The following TDRD3 variants were observed in gnomAD, a reference collection of about 807,000 sequenced individuals.
TDRD3 encodes tudor domain containing 3, also known as tudor domain-containing protein 3.
TDRD3 carries 45 observed loss-of-function variants against 86.7 expected under a neutral mutation model. The ratio of observed to expected loss-of-function variants is 0.52; its 90% CI spans 0.41 to 0.67. The LOEUF (loss-of-function observed/expected upper bound fraction) is 0.67. Ranked by LOEUF, TDRD3 falls within the 30% of genes least tolerant of loss-of-function variation. TDRD3 has a pLI of 0.00. For synonymous variants in TDRD3, 298 were observed against 301.7 expected (o/e 0.99, Z 0.13); for missense variants, 814 against 889.0 (o/e 0.92, Z 1.07).
At chr13:60,484,629 A>G in intron 6 of TDRD3, 1 of 434,506 alleles carries the variant, frequency 2.3e-6, no homozygotes, top group Non-Finnish European at 4.5e-6. Context: ...TAAATAAGTC[A>G]TTTTTGCATC....
intron 1 of TDRD3, among the ~76,000 whole-genome samples, chr13:60,417,444 T>A (rs1954552459): frequency 6.6e-6 from 1 of 151,022 alleles, no homozygotes; most frequent in Non-Finnish European, 1.5e-5. Flanking sequence ...TGGATTCAAG[T>A]GATTCTCTTG....
At chr13:60,425,362 A>G (rs542810381) in intron 1 of TDRD3, among the ~76,000 whole-genome samples, 1 of 152,302 alleles carries the variant, frequency 6.6e-6, no homozygotes, top group African/African-American at 2.4e-5. Flanking sequence ...ATACAAGATA[A>G]CAAATGTTGG....
At position 60,573,707 on chromosome 13, in the gene TDRD3, G is replaced by T. The variant is rs1958639938; in HGVS notation, c.*101G>T. On this transcript the variant is annotated 3_prime_UTR_variant, in exon 14 of 14. Transcript: ENST00000377881. ...CTTTCTCTTCAGAATAAGTAGCTGT[G>T]GTGGATATTATTATTTGAAGAAAGA... 1.1e-6 allele frequency: 1 copy of T among 937,034 alleles called. No homozygotes were observed. The highest frequency in any genetic ancestry group is 1.3e-6 in the Non-Finnish European group (1 of 785,870). 58.0% of individuals were successfully genotyped at this position (937,034 alleles called of 1,614,324 possible). A position where few individuals can be genotyped will look rare whatever the true frequency, so the allele number is the denominator to read the frequency against.
chr13:60,515,651 A>C (rs1470637874), intron 10 of TDRD3, among the ~76,000 whole-genome samples: 1 of 152,214 alleles, frequency 6.6e-6, no homozygotes, highest in Non-Finnish European at 1.5e-5. Context: ...ACCTGCTCAC[A>C]CTACTCAGTG....
chr13:60,456,310 C>T (rs780883604), intron 3 of TDRD3, among the ~76,000 whole-genome samples: 5 of 151,946 alleles, frequency 3.3e-5, no homozygotes, highest in Admixed American at 6.6e-5. Flanking sequence ...ATTTCATATC[C>T]GTTGGTATGA....
At chr13:60,510,209 C>T (rs1375981134) in intron 9 of TDRD3, among the ~76,000 whole-genome samples, 1 of 152,070 alleles carries the variant, frequency 6.6e-6, no homozygotes, top group Non-Finnish European at 1.5e-5. Context: ...GTGACTGGTT[C>T]TATTATTTCT....
intron 8 of TDRD3, among the ~76,000 whole-genome samples, chr13:60,495,876 C>T (rs990381208): frequency 2.0e-5 from 3 of 152,064 alleles, no homozygotes; most frequent in African/African-American, 7.2e-5. Context: ...CCTCCAGCTG[C>T]ATAACTCTTA....
At chr13:60,500,823 A>G (rs927763269) in intron 8 of TDRD3, among the ~76,000 whole-genome samples, 1 of 152,222 alleles carries the variant, frequency 6.6e-6, no homozygotes, top group African/African-American at 2.4e-5. Context: ...TGTGAGTGCT[A>G]ATCAATGGGT....
intron 12 of TDRD3, among the ~76,000 whole-genome samples, chr13:60,538,450 T>A (rs999813308): frequency 6.6e-6 from 1 of 151,964 alleles, no homozygotes; most frequent in Non-Finnish European, 1.5e-5. Context: ...CAGTGAACTT[T>A]CTAGTTAACA....
chr13:60,537,407 G>A (rs750777900), intron 12 of TDRD3: 4 of 151,822 alleles, frequency 2.6e-5, no homozygotes, highest in African/African-American at 9.7e-5. Context: ...GCATATAGAT[G>A]TAAAAAAACC....
At chr13:60,399,783 T>A (rs551083612) in intron 1 of TDRD3, among the ~76,000 whole-genome samples, 1 of 152,368 alleles carries the variant, frequency 6.6e-6, no homozygotes, top group East Asian at 1.9e-4. Flanking sequence ...TTAAATCTGT[T>A]CTATAGGCTT....
Position 60,451,923 on chromosome 13 carries a change from C to T in TDRD3, c.192+7175C>T, listed in dbSNP as rs1049061131. The stretch of plus-strand genomic sequence containing the variant: ...TTTGATTGAAATTGCATTGAATCTG[C>T]GCATTAGCTTAAAAACAATTGACAT... On this transcript the variant is annotated intron_variant, in intron 3 of 13. Coordinates refer to ENST00000377881, the MANE Select transcript of TDRD3 (RefSeq NM_001146070.2). Among the ~76,000 whole-genome samples, 12 of 152,190 alleles carry T rather than the reference C, an allele frequency of 7.9e-5. No individual in the cohort carries two copies. The East Asian group carries it at 1.2e-3, about 15-fold the overall frequency.
At chr13:60,477,129 A>G (rs572976203) in intron 5 of TDRD3, among the ~76,000 whole-genome samples, 17 of 151,928 alleles carry the variant, frequency 1.1e-4, no homozygotes, top group South Asian at 4.2e-4. Context: ...TCTTGTTTCA[A>G]TTATCAAGGA....
In TDRD3 at chr13:60,511,624, G is replaced by A. The variant is rs189369388; in HGVS notation, c.1141+869G>A. 4.5e-4 allele frequency among the ~76,000 whole-genome samples: 69 copies of A among 152,216 alleles called. 1 individual carries two copies. The highest frequency in any genetic ancestry group is 6.8e-3 in the Middle Eastern group (2 of 294). ...AGGAGTCTAGGCACAGCTTCATTGG[G>A]GCCTCTGTTTAAAGTCTCAGATGCT... On this transcript the variant is annotated intron_variant, in intron 10 of 13. Coordinates refer to ENST00000377881, the MANE Select transcript of TDRD3 (RefSeq NM_001146070.2).
At chr13:60,565,760 T>C (rs113626946) in intron 12 of TDRD3, among the ~76,000 whole-genome samples, 2 of 152,190 alleles carry the variant, frequency 1.3e-5, no homozygotes, top group African/African-American at 4.8e-5. Flanking sequence ...ATGCAGAGTT[T>C]CAAATGTTGT....
chr13:60,570,651 C>T (rs1958567383), intron 13 of TDRD3, among the ~76,000 whole-genome samples: 2 of 152,134 alleles, frequency 1.3e-5, no homozygotes, highest in Admixed American at 1.3e-4. Flanking sequence ...TGTCAATGCC[C>T]TCATTGCTGG....
intron 13 of TDRD3, among the ~76,000 whole-genome samples, chr13:60,570,296 G>C (rs2138010098): frequency 6.6e-6 from 1 of 152,072 alleles, no homozygotes; most frequent in East Asian, 1.9e-4. Flanking sequence ...ATGCCCAACA[G>C]GTATATGAAA....
chr13:60,520,407 T>C (rs1957264081), intron 10 of TDRD3, among the ~76,000 whole-genome samples: 1 of 152,128 alleles, frequency 6.6e-6, no homozygotes, highest in South Asian at 2.1e-4. Context: ...GTTAAGCAGG[T>C]TTCTAGCCCA....
intron 8 of TDRD3, among the ~76,000 whole-genome samples, chr13:60,509,155 C>G (rs1450422734): frequency 6.6e-6 from 1 of 152,034 alleles, no homozygotes; most frequent in Non-Finnish European, 1.5e-5. Flanking sequence ...TGTTTATACT[C>G]CTTAAGTGGT....
Sources: gnomAD v4.1 joint callset for allele counts (sites outside exome capture counted in the v4.1 genomes callset) on GRCh38, gnomAD v4.1.1 for gene constraint, MANE v1.5 for transcripts, NCBI Gene and HGNC (gene_info 2026-07-23, HGNC 2026-07-21) for gene names.